Variants in ADCY1 observed in about 807,000 individuals in gnomAD.
The protein encoded by ADCY1 is adenylate cyclase type 1.
Under a neutral mutation model 105.4 loss-of-function variants are expected in ADCY1, and 28 were observed. That is an observed-to-expected ratio of 0.27 (90% CI 0.20 to 0.36). ADCY1 has a LOEUF of 0.36. Among genes scored for constraint, ADCY1 ranks in the 10% least tolerant of loss-of-function variants. The pLI is 1.00. For missense variants in ADCY1, 977 were observed against 1,434.2 expected, an observed-to-expected ratio of 0.68 and a Z score of 5.15; for synonymous variants, 655 against 623.8, an observed-to-expected ratio of 1.05 and a Z score of -0.75.
intron 19 of ADCY1, among the ~76,000 whole-genome samples, 190 bp from the exon 20 acceptor site, chr7:45,713,503 T>C (rs1785305803): frequency 6.6e-6 from 1 of 152,186 alleles, no homozygotes; most frequent in South Asian, 2.1e-4. Flanking sequence ...TTTTTTAACA[T>C]AGTGACCCAA....
Position 45,714,005 on chromosome 7 carries a change from C to A in ADCY1, c.*10C>A. 1 of 769,636 alleles carries A rather than the reference C, an allele frequency of 1.3e-6. No homozygotes were observed. The highest frequency in any genetic ancestry group is 2.4e-6 in the Non-Finnish European group (1 of 411,284). 47.7% of individuals were successfully genotyped at this position (769,636 alleles called of 1,614,324 possible). The stretch of plus-strand genomic sequence containing the variant: ...TGGGAAGGAGGCTTAGTGGAGCCCA[C>A]GTGGGCCTCTGGGGTGCACATGGGG... On this transcript the variant is annotated 3_prime_UTR_variant, in exon 20 of 20. Coordinates refer to ENST00000297323, the MANE Select transcript of ADCY1 (RefSeq NM_021116.4).
rs766348528 is a variant in ADCY1, at chr7:45,714,042, C to T, written c.*47C>T. 7 of 722,622 alleles carry T rather than the reference C, an allele frequency of 9.7e-6. No individual in the cohort carries two copies. The highest frequency in any genetic ancestry group is 2.5e-5 in the East Asian group (1 of 39,956). 44.8% of individuals were successfully genotyped at this position (722,622 alleles called of 1,614,324 possible). A position where few individuals can be genotyped will look rare whatever the true frequency, so the allele number is the denominator to read the frequency against. Reference sequence around the variant, plus strand: ...GGGTGCACATGGGGTGGGAATGCTCCGGGGGTGACACAGGCCACGGTGGCT... The same window carrying T: ...GGGTGCACATGGGGTGGGAATGCTCTGGGGGTGACACAGGCCACGGTGGCT... On this transcript the variant is annotated 3_prime_UTR_variant, in exon 20 of 20. Coordinates refer to ENST00000297323, the MANE Select transcript of ADCY1 (RefSeq NM_021116.4).
At chr7:45,608,673 C>A (rs1327484102) in intron 2 of ADCY1, among the ~76,000 whole-genome samples, 1 of 152,250 alleles carries the variant, frequency 6.6e-6, no homozygotes. Flanking sequence ...ATTTGTGGCT[C>A]TGGATGCTCC....
At chr7:45,588,583 C>T (rs1419834926) in intron 1 of ADCY1, among the ~76,000 whole-genome samples, 1 of 152,150 alleles carries the variant, frequency 6.6e-6, no homozygotes, top group Non-Finnish European at 1.5e-5. Flanking sequence ...AACCTGCCTC[C>T]CATAGTGAGG....
chr7:45,630,036 C>T (rs889495040), intron 4 of ADCY1, among the ~76,000 whole-genome samples: 1 of 152,154 alleles, frequency 6.6e-6, no homozygotes, highest in Non-Finnish European at 1.5e-5. Flanking sequence ...GGTTGAGCAT[C>T]TTTTCATTGC....
chr7:45,701,259 G>A (rs1038157438), intron 14 of ADCY1, among the ~76,000 whole-genome samples: 3 of 152,056 alleles, frequency 2.0e-5, no homozygotes, highest in Non-Finnish European at 2.9e-5. Context: ...GAAAATAAGT[G>A]GCACAGGGAA....
chr7:45,601,301 G>C (rs1479417720), intron 2 of ADCY1, among the ~76,000 whole-genome samples: 1 of 152,184 alleles, frequency 6.6e-6, no homozygotes, highest in Non-Finnish European at 1.5e-5. Context: ...AGGGGATCCT[G>C]CCAGGTTCTC....
chr7:45,721,222 T>A lies in ADCY1; in HGVS notation c.*7227T>A, dbSNP rs1181866139. ...CCCGCCCTCAGAGCAGGTGCCTAAG[T>A]CCTCCCTGGCACTGGCAGGCCTTAC... On this transcript the variant is annotated 3_prime_UTR_variant, in exon 20 of 20. Coordinates refer to ENST00000297323, the MANE Select transcript of ADCY1 (RefSeq NM_021116.4). The A allele has an allele frequency of 1.3e-5, 2 of 152,280 alleles. No homozygotes were observed. Among genetic ancestry groups the A allele is most frequent in the Admixed American group, 6.5e-5 (1 of 15,268 alleles). The allele number at this position is 152,280 out of a possible 1,614,324, so 9.4% of individuals were successfully genotyped here.
rs1286827331 is a variant in ADCY1, at chr7:45,685,066, G to A, written c.2071G>A (p.Val691Met). Residue 691 changes from valine to methionine, a missense_variant and splice_region_variant, in exon 12 of 20, where the codon GTG becomes ATG. Around this residue, in one of 7 missense-constraint regions of ADCY1, gnomAD observed 275 missense variants for 362.1 expected, o/e 0.76. Coordinates refer to ENST00000297323, the MANE Select transcript of ADCY1 (RefSeq NM_021116.4). ...VLIYSVAQGC[V>M]VGCLPWAWSS... ...AATCTACTCAGTAGCCCAAGGTTGTGTGGTGAGCATCTCCAGCTTGTGGCA... is the reference window on the plus strand; with the variant it reads ...AATCTACTCAGTAGCCCAAGGTTGTATGGTGAGCATCTCCAGCTTGTGGCA... The A allele has an allele frequency of 1.7e-5, 28 of 1,613,538 alleles. No individual in the cohort carries two copies. Among genetic ancestry groups the A allele is most frequent in the Non-Finnish European group, 2.4e-5 (28 of 1,179,522 alleles).
intron 14 of ADCY1, among the ~76,000 whole-genome samples, chr7:45,687,896 G>T (rs1784715731): frequency 6.6e-6 from 1 of 152,228 alleles, no homozygotes; most frequent in African/African-American, 2.4e-5. Flanking sequence ...CTACTCTGCA[G>T]TCAGGACTGA....
At chr7:45,665,575 T>TA (rs1473242903) in intron 8 of ADCY1, among the ~76,000 whole-genome samples, 2 of 152,234 alleles carry the variant, frequency 1.3e-5, no homozygotes, top group Non-Finnish European at 2.9e-5. Flanking sequence ...AATTAAAAAA[T>TA]AAAAGCAACA....
At chr7:45,664,325 C>G (rs1378040040) in intron 8 of ADCY1, 8 of 1,536,186 alleles carry the variant, frequency 5.2e-6, no homozygotes, top group Non-Finnish European at 7.0e-6. Context: ...CCTGGATGTC[C>G]TCCTGGGGTT....
chr7:45,668,077 G>C (rs960496689), intron 8 of ADCY1, among the ~76,000 whole-genome samples: 31 of 152,180 alleles, frequency 2.0e-4, no homozygotes, highest in Non-Finnish European at 3.1e-4. Flanking sequence ...TCTGCAAACA[G>C]GGACAATTTG....
intron 3 of ADCY1, among the ~76,000 whole-genome samples, chr7:45,610,719 AGGAGGGGATAG>A (rs1793517001): frequency 1.1e-4 from 2 of 18,922 alleles, no homozygotes; most frequent in East Asian, 1.4e-3. Context: ...GGTGGAGGTG[AGGAGGGGATAG>A]TGGAGGTGGG....
intron 10 of ADCY1, among the ~76,000 whole-genome samples, chr7:45,679,243 T>C (rs1237682681): frequency 6.6e-6 from 1 of 152,182 alleles, no homozygotes; most frequent in Non-Finnish European, 1.5e-5. Flanking sequence ...CCCTGGGTGC[T>C]CTGCATCCTG....
At chr7:45,641,858 G>A (rs1349293187) in intron 4 of ADCY1, among the ~76,000 whole-genome samples, 4 of 132,314 alleles carry the variant, frequency 3.0e-5, no homozygotes, top group Non-Finnish European at 6.3e-5. Context: ...CCCGGGAAGC[G>A]GAGCTTGCAG....
At chr7:45,630,827 G>T (rs1021129356) in intron 4 of ADCY1, among the ~76,000 whole-genome samples, 11 of 151,848 alleles carry the variant, frequency 7.2e-5, no homozygotes, top group African/African-American at 2.2e-4. Flanking sequence ...TGTTTGCTTT[G>T]TTTTGTGCTT....
Position 45,678,218 on chromosome 7 carries a change from T to A in ADCY1, c.1853T>A (p.Ile618Asn). 1 of 1,614,186 alleles carries A rather than the reference T, an allele frequency of 6.2e-7. No homozygotes were observed. Among genetic ancestry groups the A allele is most frequent in the Non-Finnish European group, 8.5e-7 (1 of 1,180,028 alleles). The change falls in exon 10 of 20, where the codon ATC (isoleucine) becomes AAC (asparagine). Residue 618 changes from isoleucine to asparagine, a missense_variant. Physicochemically the swap from Ile to Asn is moderately radical, Grantham distance 149. Coordinates refer to ENST00000297323, the MANE Select transcript of ADCY1 (RefSeq NM_021116.4). ...ACCAGCGCCGTTGTCCTCACCCTCA[T>A]CCTGGCTGCCTTATTTGGCCTTGTC... The part of the protein sequence containing the change: ...YFTSAVVLTL[I>N]LAALFGLVYL...
intron 1 of ADCY1, among the ~76,000 whole-genome samples, chr7:45,592,171 T>C (rs967228653): frequency 2.6e-5 from 4 of 151,974 alleles, no homozygotes; most frequent in African/African-American, 9.7e-5. Context: ...TTTCTGAAGC[T>C]GCTATAACAA....
Sources: allele counts gnomAD v4.1 joint callset (sites outside exome capture counted in the v4.1 genomes callset), GRCh38; gene constraint gnomAD v4.1.1; regional missense constraint gnomAD v4.1.1; transcripts MANE v1.5; gene names NCBI Gene and HGNC (gene_info 2026-07-23, HGNC 2026-07-21).